The following PPIG variants were observed in gnomAD, a reference collection of about 807,000 sequenced individuals.
PPIG encodes peptidyl-prolyl cis-trans isomerase G.
In PPIG, 26 loss-of-function variants were observed where a neutral mutation model predicts 87.9. That is an observed-to-expected ratio of 0.30 (90% confidence interval 0.22 to 0.41). The LOEUF (loss-of-function observed/expected upper bound fraction) is 0.41. Among genes scored for constraint, PPIG ranks in the 10% least tolerant of loss-of-function variants. PPIG has a pLI of 1.00. For synonymous variants in PPIG, 308 were observed against 276.5 expected (o/e 1.11, Z -1.13); for missense variants, 722 against 879.4 (o/e 0.82, Z 2.26).
chr2:169,609,806 A>G (rs530702455), intron 7 of PPIG, among the ~76,000 whole-genome samples: 2 of 152,336 alleles, frequency 1.3e-5, no homozygotes, highest in African/African-American at 2.4e-5. Flanking sequence ...GACCCAGGCA[A>G]GAATCTTCTA....
rs1473427696 is a variant in PPIG, at chr2:169,636,638, T to C, written c.1380T>C (p.Ser460=). 1.3e-6 allele frequency: 2 copies of C among 1,593,960 alleles called. No homozygotes were observed. Among genetic ancestry groups the C allele is most frequent in the Non-Finnish European group, 1.7e-6 (2 of 1,175,136 alleles). Residue 460 remains serine, a synonymous_variant, in exon 14 of 14, where the codon AGT becomes AGC. Transcript: ENST00000260970. ...TGAAGAAAAGGGCCAAATCTAAAAG[T>C]AGGAGTAAGAGCAAAGAGAAATCAA... The part of the protein sequence containing the change: ...NKVKKRAKSK[S]RSKSKEKSKS...
chr2:169,611,055 A>G (rs1345176521), intron 7 of PPIG, among the ~76,000 whole-genome samples: 1 of 152,140 alleles, frequency 6.6e-6, no homozygotes, highest in Non-Finnish European at 1.5e-5. Flanking sequence ...CTAAAATACA[A>G]AAATTAGCTG....
rs774706952 is a variant in PPIG, at chr2:169,631,853, T to C, written c.849T>C (p.Asn283=). 8 of 1,613,240 alleles carry C rather than the reference T, an allele frequency of 5.0e-6. No individual in the cohort carries two copies. The highest frequency in any genetic ancestry group is 1.7e-5 in the Admixed American group (1 of 59,948). The change falls in exon 11 of 14, where the codon AAT becomes AAC. Residue 283 remains asparagine (N), a synonymous_variant. Transcript: ENST00000260970. The part of the protein sequence containing the change: ...RPEEIPPIPE[N]RFLMRKSPPK... ...AAGAGATCCCTCCTATACCTGAAAA[T>C]AGATTCCTAATGAGAAAAAGTCCTC... is the stretch of plus-strand genomic sequence containing the variant.
At chr2:169,625,221 C>A (rs1309732783) in intron 9 of PPIG, among the ~76,000 whole-genome samples, 1 of 152,052 alleles carries the variant, frequency 6.6e-6, no homozygotes, top group Non-Finnish European at 1.5e-5. Flanking sequence ...AACTTTGTAC[C>A]CTAGTTTTAA....
Position 169,630,911 on chromosome 2 carries a change from A to C in PPIG, c.685A>C (p.Lys229Gln). Residue 229 changes from lysine (K) to glutamine (Q), a missense_variant, in exon 10 of 14, where the codon AAA becomes CAA. Transcript: ENST00000260970. ...AAGTGCTACTGAAGAGAAATCAAAG[A>C]AAAGAAAAAAGAAACATCGGAAAAA... Reference protein sequence around the residue: ...SESATEEKSKKRKKKHRKNSR... With the variant: ...SESATEEKSKQRKKKHRKNSR... The C allele has an allele frequency of 6.2e-7, 1 of 1,603,330 alleles. No homozygotes were observed. The highest frequency in any genetic ancestry group is 8.5e-7 in the Non-Finnish European group (1 of 1,177,614).
At chr2:169,626,901 G>A (rs1226761060) in intron 9 of PPIG, among the ~76,000 whole-genome samples, 1 of 145,104 alleles carries the variant, frequency 6.9e-6, no homozygotes, top group Admixed American at 6.8e-5. Flanking sequence ...GTGGAGGCGG[G>A]GTTTCACCAT....
At chr2:169,608,909 C>T (rs1685409483) in intron 7 of PPIG, 151 bp downstream of exon 7, 7 of 440,808 alleles carry the variant, frequency 1.6e-5, no homozygotes, top group African/African-American at 4.1e-5. Flanking sequence ...GGTGAAACCC[C>T]GTCTCTACTA....
At chr2:169,603,949 A>C in intron 2 of PPIG, 77 bp from the exon 3 acceptor site, 1 of 1,122,206 alleles carries the variant, frequency 8.9e-7, no homozygotes, top group Middle Eastern at 2.8e-4. Flanking sequence ...ATTGTTTCAC[A>C]GAATTTTTTT....
At position 169,607,135 on chromosome 2, in the gene PPIG, A is replaced by C; in HGVS notation, c.276A>C (p.Gly92=). 6.4e-7 allele frequency: 1 copy of C among 1,561,454 alleles called. No homozygotes were observed. Among genetic ancestry groups the C allele is most frequent in the East Asian group, 2.3e-5 (1 of 44,184 alleles). ...GACGAGGAGGGGAATCTATCTATGG[A>C]GGATTTTTTGAAGGTAAAAATGTTT... ...GNGRGGESIY[G]GFFEDESFAV... is the part of the protein sequence containing the mutation. The change falls in exon 6 of 14, where the codon GGA becomes GGC. Residue 92 remains glycine, a synonymous_variant. Transcript: ENST00000260970.
At chr2:169,591,746 C>T (rs1459096001) in intron 1 of PPIG, among the ~76,000 whole-genome samples, 1 of 149,716 alleles carries the variant, frequency 6.7e-6, no homozygotes, top group Non-Finnish European at 1.5e-5. Context: ...ATGCTGATTG[C>T]TGTGTAGAAA....
At chr2:169,606,908 C>G (rs1341323855) in intron 5 of PPIG, among the ~76,000 whole-genome samples, 196 bp from the exon 6 acceptor site, 1 of 152,090 alleles carries the variant, frequency 6.6e-6, no homozygotes, top group Non-Finnish European at 1.5e-5. Flanking sequence ...CACATTCTTG[C>G]TATCATAGCA....
intron 4 of PPIG, 59 bp downstream of exon 4, chr2:169,604,320 T>A: frequency 9.3e-7 from 1 of 1,075,206 alleles, no homozygotes; most frequent in Non-Finnish European, 1.3e-6. Flanking sequence ...GCTTGCTTGC[T>A]TGCTTGGTTT....
In PPIG at chr2:169,607,124, T is replaced by C; in HGVS notation, c.265T>C (p.Ser89Pro). 1 of 1,567,856 alleles carries C rather than the reference T, an allele frequency of 6.4e-7. No individual in the cohort carries two copies. The highest frequency in any genetic ancestry group is 8.8e-7 in the Non-Finnish European group (1 of 1,142,816). Residue 89 changes from serine to proline, a missense_variant, in exon 6 of 14, where the codon TCT (serine) becomes CCT (proline). This residue lies in a region of PPIG where 99 missense variants were observed against 215.8 expected (regional missense o/e 0.46). Transcript: ENST00000260970. ...FSEGNGRGGE[S>P]IYGGFFEDES... ...TTTAGGAAATGGACGAGGAGGGGAATCTATCTATGGAGGATTTTTTGAAGG... is the reference window on the plus strand; with the variant it reads ...TTTAGGAAATGGACGAGGAGGGGAACCTATCTATGGAGGATTTTTTGAAGG...
rs763602668 is a variant in PPIG, at chr2:169,633,258, C to G, written c.1017+11C>G. 10 of 1,540,178 alleles carry G rather than the reference C, an allele frequency of 6.5e-6. No homozygotes were observed. The highest frequency in any genetic ancestry group is 2.7e-5 in the African/African-American group (2 of 72,740). The stretch of plus-strand genomic sequence containing the variant: ...GGAAGAGGACCAAGGGTAGGTGATT[C>G]TTTCCCCAGAGATCTTCACAATATT... On this transcript the variant is annotated intron_variant, in intron 12 of 13. Coordinates refer to ENST00000260970, the MANE Select transcript of PPIG (RefSeq NM_004792.3).
chr2:169,604,478 A>G (rs1459347103), intron 4 of PPIG, among the ~76,000 whole-genome samples: 2 of 151,432 alleles, frequency 1.3e-5, no homozygotes, highest in African/African-American at 4.9e-5. Flanking sequence ...GCTTGCTTTA[A>G]TTTTTTATTT....
At chr2:169,627,965 T>A (rs529990114) in intron 9 of PPIG, among the ~76,000 whole-genome samples, 66 of 152,298 alleles carry the variant, frequency 4.3e-4, no homozygotes, top group African/African-American at 1.6e-3. Context: ...TGTGTTAGAT[T>A]TCCTTAAAAT....
chr2:169,600,556 G>A (rs1191081953), intron 1 of PPIG, among the ~76,000 whole-genome samples: 1 of 152,118 alleles, frequency 6.6e-6, no homozygotes, highest in Non-Finnish European at 1.5e-5. Context: ...TCCTTTGGGT[G>A]TCTTTTTGGC....
chr2:169,588,682 C>T (rs1405796306), intron 1 of PPIG, among the ~76,000 whole-genome samples: 5 of 151,986 alleles, frequency 3.3e-5, no homozygotes, highest in African/African-American at 1.2e-4. Context: ...TTAGATCAGG[C>T]GGAGTGCAGT....
chr2:169,605,972 A>G, intron 4 of PPIG, 67 bp from the exon 5 acceptor site: 4 of 1,130,874 alleles, frequency 3.5e-6, no homozygotes, highest in Non-Finnish European at 5.3e-6. Context: ...CATATTTTAC[A>G]TTTATTTTGC....
Sources: allele counts gnomAD v4.1 joint callset (sites outside exome capture counted in the v4.1 genomes callset), GRCh38; gene constraint gnomAD v4.1.1; regional missense constraint gnomAD v4.1.1; transcripts MANE v1.5; gene names NCBI Gene and HGNC (gene_info 2026-07-23, HGNC 2026-07-21).